The following DOK6 variants were observed in gnomAD, a reference collection of about 807,000 sequenced individuals.
DOK6 encodes docking protein 6.
DOK6 carries 22 observed loss-of-function variants against 44.0 expected under a neutral mutation model. The ratio of observed to expected loss-of-function variants is 0.50; its 90% CI spans 0.36 to 0.71. DOK6 has a LOEUF of 0.71. Ranked by LOEUF, DOK6 falls within the 30% of genes least tolerant of loss-of-function variation. DOK6 has a pLI of 0.00. For synonymous variants in DOK6, 166 were observed against 145.5 expected (o/e 1.14, Z -1.01); for missense variants, 340 against 416.4 (o/e 0.82, Z 1.60).
At chr18:69,409,475 T>A (rs2122387896) in intron 1 of DOK6, among the ~76,000 whole-genome samples, 1 of 152,358 alleles carries the variant, frequency 6.6e-6, no homozygotes, top group Admixed American at 6.5e-5. Context: ...TGCTATATAT[T>A]GAATATGTAT....
intron 1 of DOK6, chr18:69,469,741 G>A (rs774391641): frequency 2.2e-5 from 6 of 268,828 alleles, no homozygotes; most frequent in Admixed American, 4.2e-5. Context: ...GGCAGGACAC[G>A]AGAGGCCAGG....
intron 3 of DOK6, among the ~76,000 whole-genome samples, chr18:69,666,160 T>C (rs2144676059): frequency 6.6e-6 from 1 of 152,354 alleles, no homozygotes; most frequent in East Asian, 1.9e-4. Flanking sequence ...CAATTCTTTT[T>C]CTTAATACCC....
At chr18:69,546,804 G>A (rs1165195463) in intron 1 of DOK6, among the ~76,000 whole-genome samples, 1 of 151,482 alleles carries the variant, frequency 6.6e-6, no homozygotes, top group Non-Finnish European at 1.5e-5. Flanking sequence ...TATTTGTTGG[G>A]AACATTTTAA....
intron 7 of DOK6, among the ~76,000 whole-genome samples, chr18:69,821,160 A>C (rs1445172125): frequency 6.6e-6 from 1 of 152,194 alleles, no homozygotes; most frequent in Non-Finnish European, 1.5e-5. Context: ...ATATTGGTTA[A>C]AATGGTCTAG....
intron 1 of DOK6, among the ~76,000 whole-genome samples, chr18:69,523,593 TA>T (rs1981746924): frequency 6.6e-6 from 1 of 152,060 alleles, no homozygotes; most frequent in African/African-American, 2.4e-5. Context: ...ATTCAATGGT[TA>T]AAAACATTTT....
chr18:69,411,921 C>A (rs1978307985), intron 1 of DOK6, among the ~76,000 whole-genome samples: 2 of 152,082 alleles, frequency 1.3e-5, no homozygotes, highest in African/African-American at 4.8e-5. Context: ...AAATATTTTT[C>A]TTGCATTTCT....
At chr18:69,617,633 GAGGAAGGA>G (rs1208001058) in intron 3 of DOK6, among the ~76,000 whole-genome samples, 1 of 148,666 alleles carries the variant, frequency 6.7e-6, no homozygotes, top group African/African-American at 2.5e-5. Flanking sequence ...AAGAGGGAGG[GAGGAAGGA>G]AGGAAGGAGG....
chr18:69,422,036 A>G (rs1276525761), intron 1 of DOK6, among the ~76,000 whole-genome samples: 4 of 152,148 alleles, frequency 2.6e-5, no homozygotes, highest in Admixed American at 6.5e-5. Flanking sequence ...AAAGCCCTCA[A>G]TTTCTGAACC....
chr18:69,839,253 G>A (rs1312181025), intron 7 of DOK6, among the ~76,000 whole-genome samples: 1 of 136,314 alleles, frequency 7.3e-6, no homozygotes, highest in Admixed American at 7.3e-5. Context: ...CCCTCCCCTA[G>A]TCTCTCCCTA....
chr18:69,473,789 A>G (rs114434364), intron 1 of DOK6, among the ~76,000 whole-genome samples: 75 of 152,326 alleles, frequency 4.9e-4, no homozygotes, highest in African/African-American at 1.8e-3. Flanking sequence ...CTTTGACCAC[A>G]TGTCTTGCTA....
intron 1 of DOK6, among the ~76,000 whole-genome samples, chr18:69,534,497 A>T (rs1372767): frequency 0.016 from 2,475 of 151,980 alleles, 67 homozygotes; most frequent in African/African-American, 0.057. Context: ...TTGCTTCTAA[A>T]TTTTTTTTAA....
intron 1 of DOK6, among the ~76,000 whole-genome samples, chr18:69,504,177 A>T (rs1455433718): frequency 1.3e-5 from 2 of 152,086 alleles, no homozygotes; most frequent in Non-Finnish European, 2.9e-5. Flanking sequence ...ATGAGTAGGT[A>T]ACTTAAAATA....
chr18:69,663,986 G>T (rs1195253187), intron 3 of DOK6, among the ~76,000 whole-genome samples: 1 of 152,028 alleles, frequency 6.6e-6, no homozygotes, highest in African/African-American at 2.4e-5. Flanking sequence ...TTCATAAGCC[G>T]TTAATTTTTT....
chr18:69,663,282 A>C (rs926752459), intron 3 of DOK6: 3 of 152,152 alleles, frequency 2.0e-5, no homozygotes, highest in African/African-American at 7.2e-5. Flanking sequence ...CTAAAAAGGG[A>C]TTAGAAATCA....
At chr18:69,561,905 C>T (rs902879184) in intron 1 of DOK6, among the ~76,000 whole-genome samples, 2 of 152,024 alleles carry the variant, frequency 1.3e-5, no homozygotes, top group African/African-American at 2.4e-5. Flanking sequence ...ATTATATTAT[C>T]TAGGCTATAT....
chr18:69,730,627 T>A (rs1365517268), intron 5 of DOK6, among the ~76,000 whole-genome samples: 1 of 152,178 alleles, frequency 6.6e-6, no homozygotes, highest in Non-Finnish European at 1.5e-5. Context: ...AGAAATACAA[T>A]CTAATGTGTT....
At chr18:69,558,422 T>TG (rs1324615899) in intron 1 of DOK6, among the ~76,000 whole-genome samples, 3 of 152,128 alleles carry the variant, frequency 2.0e-5, no homozygotes, top group Non-Finnish European at 4.4e-5. Context: ...CAAAATACTT[T>TG]GAAAAACCAT....
intron 1 of DOK6, among the ~76,000 whole-genome samples, chr18:69,530,836 G>A (rs559842235): frequency 1.3e-5 from 2 of 152,174 alleles, no homozygotes; most frequent in African/African-American, 4.8e-5. Flanking sequence ...TTTCTGTCTC[G>A]TTGATCTGTC....
At chr18:69,748,297 G>A (rs992238524) in intron 6 of DOK6, among the ~76,000 whole-genome samples, 1 of 151,988 alleles carries the variant, frequency 6.6e-6, no homozygotes, top group Admixed American at 6.6e-5. Context: ...AATAGTGGGA[G>A]AATTTAACAC....
Sources: gnomAD v4.1 joint callset for allele counts (sites outside exome capture counted in the v4.1 genomes callset) on GRCh38, gnomAD v4.1.1 for gene constraint, MANE v1.5 for transcripts, NCBI Gene and HGNC (gene_info 2026-07-23, HGNC 2026-07-21) for gene names.